Variants in KANK1 observed in about 807,000 individuals in gnomAD.
KANK1 encodes KN motif and ankyrin repeat domains 1, also known as KN motif and ankyrin repeat domain-containing protein 1.
In KANK1, 109 loss-of-function variants were observed where a neutral mutation model predicts 106.2. The observed-to-expected ratio is 1.03, with a 90% confidence interval of 0.88 to 1.20. The LOEUF (loss-of-function observed/expected upper bound fraction) is 1.20. KANK1 is among the 50% of genes most tolerant of loss of function. KANK1 has a pLI of 0.00. For synonymous variants in KANK1, 873 were observed against 652.2 expected (o/e 1.34, Z -5.16); for missense variants, 2,399 against 1,710.7 (o/e 1.40, Z -7.10).
At chr9:676,746 GTCACC>G (rs1816490672) in intron 1 of KANK1, 139 bp from the exon 2 acceptor site, 4 of 450,254 alleles carry the variant, frequency 8.9e-6, no homozygotes, top group African/African-American at 2.0e-5. Context: ...GTCCAATGCA[GTCACC>G]TCCTGGATCT....
At chr9:499,997 C>A (rs878864345), upstream of KANK1, among the ~76,000 whole-genome samples, 1 of 152,066 alleles carries the variant, frequency 6.6e-6, no homozygotes, top group East Asian at 1.9e-4. Context: ...CAGACTCTTC[C>A]CCTCCTTGAT....
intron 1 of KANK1, among the ~76,000 whole-genome samples, chr9:508,799 C>A (rs1368598771): frequency 6.8e-6 from 1 of 146,250 alleles, no homozygotes; most frequent in South Asian, 2.1e-4. Flanking sequence ...GTTTGAGGGG[C>A]ATTTACATAG....
At chr9:542,877 TG>T (rs1239240603) in intron 1 of KANK1, among the ~76,000 whole-genome samples, 3 of 152,126 alleles carry the variant, frequency 2.0e-5, no homozygotes, top group Non-Finnish European at 2.9e-5. Context: ...GAGTGGTGGT[TG>T]TCAGGGGCTG....
intron 1 of KANK1, among the ~76,000 whole-genome samples, chr9:646,877 T>C (rs1432660700): frequency 6.6e-6 from 1 of 150,624 alleles, no homozygotes; most frequent in Non-Finnish European, 1.5e-5. Context: ...TTTGTATTTT[T>C]AGTAGAGACA....
chr9:544,031 A>G (rs1212277821), intron 1 of KANK1, among the ~76,000 whole-genome samples: 2 of 151,078 alleles, frequency 1.3e-5, no homozygotes, highest in Non-Finnish European at 3.0e-5. Flanking sequence ...TTATTATTTT[A>G]TTTTTTATTT....
chr9:562,068 C>T (rs1282847189), intron 1 of KANK1, among the ~76,000 whole-genome samples: 4 of 84,088 alleles, frequency 4.8e-5, no homozygotes, highest in African/African-American at 7.9e-5. Flanking sequence ...TTTTTTGAGA[C>T]GGAGTCTCGC....
chr9:517,310 G>C (rs1048534078), intron 1 of KANK1, among the ~76,000 whole-genome samples: 3 of 151,600 alleles, frequency 2.0e-5, no homozygotes, highest in Non-Finnish European at 2.9e-5. Flanking sequence ...CACCATGTTG[G>C]CCAGGATGGT....
At chr9:679,238 A>G (rs1257954794) in intron 2 of KANK1, among the ~76,000 whole-genome samples, 1 of 152,118 alleles carries the variant, frequency 6.6e-6, no homozygotes, top group Non-Finnish European at 1.5e-5. Context: ...ACCATGACCC[A>G]TGTACATCTA....
intron 1 of KANK1, among the ~76,000 whole-genome samples, chr9:520,235 G>T (rs748133405): frequency 5.9e-5 from 9 of 151,824 alleles, no homozygotes; most frequent in Non-Finnish European, 2.9e-5. Flanking sequence ...CTACCTGGGA[G>T]GTGGAGGTGG....
intron 2 of KANK1, among the ~76,000 whole-genome samples, chr9:691,718 A>G (rs1204794942): frequency 6.8e-6 from 1 of 147,616 alleles, no homozygotes; most frequent in Non-Finnish European, 1.5e-5. Flanking sequence ...GGCTCAAGTA[A>G]TCCTCCCAGT....
intron 1 of KANK1, among the ~76,000 whole-genome samples, chr9:610,072 A>C (rs76732430): frequency 2.6e-5 from 4 of 152,120 alleles, no homozygotes; most frequent in Non-Finnish European, 5.9e-5. Flanking sequence ...TGACTTTCTC[A>C]TGTTTAAAAT....
intron 1 of KANK1, among the ~76,000 whole-genome samples, chr9:554,360 C>T (rs1474706234): frequency 1.3e-5 from 2 of 152,162 alleles, no homozygotes; most frequent in African/African-American, 4.8e-5. Flanking sequence ...CAAGTATTTG[C>T]CTTTCCTCTC....
intron 3 of KANK1, among the ~76,000 whole-genome samples, chr9:715,967 G>C (rs569625746): frequency 6.6e-6 from 1 of 152,168 alleles, no homozygotes; most frequent in Non-Finnish European, 1.5e-5. Context: ...GTGCATTCCT[G>C]TGCACACCAT....
chr9:531,411 AC>A (rs1248932517), intron 1 of KANK1, among the ~76,000 whole-genome samples: 1 of 152,238 alleles, frequency 6.6e-6, no homozygotes, highest in East Asian at 1.9e-4. Context: ...ATCCTGGGTG[AC>A]AGAGTGAGAC....
intron 1 of KANK1, among the ~76,000 whole-genome samples, chr9:511,335 T>G (rs2059019386): frequency 1.3e-5 from 2 of 152,220 alleles, no homozygotes; most frequent in Admixed American, 1.3e-4. Context: ...GTACCTTTCT[T>G]CCTGTGACTT....
In KANK1 at chr9:599,797, T is replaced by C. The variant is rs557363181; in HGVS notation, c.-83-77093T>C. On this transcript the variant is annotated intron_variant, in intron 1 of 11. Coordinates refer to ENST00000382297, the MANE Select transcript of KANK1 (RefSeq NM_015158.5). ...GGTTCTTCAGGGCTGGCTACAGAAC[T>C]TCAGTATGTGAGGATTTGGGTATTT... 1.1e-4 allele frequency among the ~76,000 whole-genome samples: 17 copies of C among 151,966 alleles called. 2 individuals carry two copies. The highest frequency in any genetic ancestry group is 4.1e-4 in the African/African-American group (17 of 41,234).
In KANK1 at chr9:712,059, T is replaced by C. The variant is rs771068373; in HGVS notation, c.1293T>C (p.Val431=). The C allele has an allele frequency of 1.2e-6, 2 of 1,613,952 alleles. No homozygotes were observed. Among genetic ancestry groups the C allele is most frequent in the Non-Finnish European group, 1.7e-6 (2 of 1,180,022 alleles). The stretch of plus-strand genomic sequence containing the variant: ...AGGATGCAGCTGTAGGGACACTTGT[T>C]GAGATGAGAAATTGTGGGGTCAGCG... The part of the protein sequence containing the change: ...SCKDAAVGTL[V]EMRNCGVSVT... Residue 431 remains valine (V), a synonymous_variant, in exon 3 of 12, where the codon GTT becomes GTC. Transcript: ENST00000382297.
chr9:698,120 C>T (rs1821766082), intron 2 of KANK1, among the ~76,000 whole-genome samples: 1 of 152,164 alleles, frequency 6.6e-6, no homozygotes, highest in Admixed American at 6.5e-5. Context: ...CCAATTCAGG[C>T]CCTGGTCAGA....
intron 1 of KANK1, among the ~76,000 whole-genome samples, chr9:672,242 A>G (rs984659775): frequency 1.3e-5 from 2 of 152,236 alleles, no homozygotes; most frequent in African/African-American, 2.4e-5. Context: ...TCTTATGTAT[A>G]CAATGGAGAG....
Sources: gnomAD v4.1 joint callset for allele counts (sites outside exome capture counted in the v4.1 genomes callset) on GRCh38, gnomAD v4.1.1 for gene constraint, MANE v1.5 for transcripts, NCBI Gene and HGNC (gene_info 2026-07-23, HGNC 2026-07-21) for gene names.